Variants in FGF12 observed in about 807,000 individuals in gnomAD.
FGF12 encodes the protein fibroblast growth factor 12, also known as fibroblast growth factor 12B.
FGF12 carries 14 observed loss-of-function variants against 23.6 expected under a neutral mutation model. The ratio of observed to expected loss-of-function variants is 0.59; its 90% CI spans 0.39 to 0.93. FGF12 has a LOEUF of 0.93. FGF12 is among the 40% of genes least tolerant of loss of function. The pLI is 0.00. For synonymous variants in FGF12, 62 were observed against 77.3 expected (o/e 0.80, Z 1.04); for missense variants, 175 against 217.8 (o/e 0.80, Z 1.24).
intron 4 of FGF12, among the ~76,000 whole-genome samples, chr3:192,252,052 G>A (rs1712047726): frequency 6.6e-6 from 1 of 152,140 alleles, no homozygotes; most frequent in African/African-American, 2.4e-5. Flanking sequence ...GTAATTGCAT[G>A]CTTAATTTTT....
At chr3:192,478,226 C>T (rs1052437400) in intron 2 of FGF12, among the ~76,000 whole-genome samples, 2 of 152,138 alleles carry the variant, frequency 1.3e-5, no homozygotes, top group Admixed American at 6.5e-5. Flanking sequence ...TGGTACTTAT[C>T]ACCACAACCC....
intron 2 of FGF12, among the ~76,000 whole-genome samples, chr3:192,695,072 C>T (rs757538323): frequency 3.3e-5 from 5 of 151,940 alleles, no homozygotes; most frequent in African/African-American, 7.3e-5. Context: ...TGTCAACTGG[C>T]TTGACAGTAG....
chr3:192,252,124 C>A (rs1217463019), intron 4 of FGF12, among the ~76,000 whole-genome samples: 1 of 152,068 alleles, frequency 6.6e-6, no homozygotes, highest in African/African-American at 2.4e-5. Flanking sequence ...ACCTGTCTGA[C>A]TAAATTTTGT....
intron 2 of FGF12, among the ~76,000 whole-genome samples, chr3:192,611,503 G>A (rs1279788037): frequency 6.6e-6 from 1 of 151,966 alleles, no homozygotes; most frequent in Non-Finnish European, 1.5e-5. Flanking sequence ...AAGGATATCT[G>A]AAGCTGTATT....
intron 4 of FGF12, among the ~76,000 whole-genome samples, chr3:192,196,256 T>A (rs369792094): frequency 2.0e-5 from 3 of 152,216 alleles, no homozygotes; most frequent in African/African-American, 7.2e-5. Context: ...TGTTCCTCAA[T>A]GGACGGATGA....
intron 2 of FGF12, among the ~76,000 whole-genome samples, chr3:192,597,734 G>A (rs1384929648): frequency 6.6e-6 from 1 of 152,196 alleles, no homozygotes; most frequent in East Asian, 1.9e-4. Context: ...CAGTGCCCTG[G>A]CCAGACTTGC....
At chr3:192,406,220 A>AC (rs1456873025) in intron 2 of FGF12, among the ~76,000 whole-genome samples, 1 of 151,790 alleles carries the variant, frequency 6.6e-6, no homozygotes, top group Non-Finnish European at 1.5e-5. Context: ...TGCAAAAGTA[A>AC]CCCATTGATC....
chr3:192,245,803 T>C (rs921296886), intron 4 of FGF12, among the ~76,000 whole-genome samples: 3 of 152,162 alleles, frequency 2.0e-5, no homozygotes, highest in Non-Finnish European at 4.4e-5. Flanking sequence ...CAGAGAGGGC[T>C]TTACAAAACA....
intron 2 of FGF12, among the ~76,000 whole-genome samples, chr3:192,471,059 T>A (rs138796954): frequency 6.6e-6 from 1 of 152,346 alleles, no homozygotes; most frequent in Non-Finnish European, 1.5e-5. Flanking sequence ...TTACTTTACA[T>A]GATGACTTTC....
rs758577911 is a variant in FGF12 at position 192,201,152 on chromosome 3, G to A, written c.229-30496C>T. 4.5e-4 allele frequency among the ~76,000 whole-genome samples: 69 copies of A among 152,308 alleles called. 1 individual carries two copies. The highest frequency in any genetic ancestry group is 6.8e-4 in the Non-Finnish European group (46 of 68,028). On this transcript the variant is annotated intron_variant, in intron 4 of 5. Coordinates refer to ENST00000445105, the MANE Select transcript of FGF12 (RefSeq NM_004113.6). Reference sequence around the variant, plus strand: ...ATCCTTAGGGAATGAGATGATGTATGAATATGGAAGGAGTCAAGGTGCTAA... The same window carrying A: ...ATCCTTAGGGAATGAGATGATGTATAAATATGGAAGGAGTCAAGGTGCTAA...
At chr3:192,444,675 G>A (rs138452072) in intron 2 of FGF12, among the ~76,000 whole-genome samples, 34 of 152,346 alleles carry the variant, frequency 2.2e-4, no homozygotes, top group African/African-American at 8.2e-4. Context: ...CGCACAGGAG[G>A]CCAGGAGTGG....
intron 2 of FGF12, among the ~76,000 whole-genome samples, chr3:192,676,432 G>C (rs1717329785): frequency 6.6e-6 from 1 of 152,194 alleles, no homozygotes; most frequent in South Asian, 2.1e-4. Flanking sequence ...TGGTAGAGCT[G>C]GCAAATTAGA....
intron 4 of FGF12, among the ~76,000 whole-genome samples, chr3:192,202,969 C>T (rs1717447754): frequency 1.3e-5 from 2 of 152,174 alleles, no homozygotes; most frequent in Admixed American, 6.5e-5. Flanking sequence ...GAAATACAGC[C>T]TGCTAAACAG....
At chr3:192,606,343 G>A (rs1368265083) in intron 2 of FGF12, among the ~76,000 whole-genome samples, 4 of 151,972 alleles carry the variant, frequency 2.6e-5, no homozygotes, top group African/African-American at 9.7e-5. Flanking sequence ...ACATATAGAC[G>A]GCCGTAACTG....
chr3:192,467,482 G>T (rs183608566), intron 2 of FGF12, among the ~76,000 whole-genome samples: 3 of 152,282 alleles, frequency 2.0e-5, no homozygotes, highest in Admixed American at 2.0e-4. Context: ...ACTGTGCGCC[G>T]AACAGGTGAG....
intron 2 of FGF12, among the ~76,000 whole-genome samples, chr3:192,576,984 C>T (rs1313010709): frequency 6.6e-6 from 1 of 152,098 alleles, no homozygotes; most frequent in Non-Finnish European, 1.5e-5. Context: ...GTATGTCTCA[C>T]TCATAAGTGG....
At chr3:192,155,169 G>C (rs1008533877) in intron 5 of FGF12, among the ~76,000 whole-genome samples, 4 of 151,882 alleles carry the variant, frequency 2.6e-5, no homozygotes, top group Non-Finnish European at 4.4e-5. Flanking sequence ...GCCCTGCTTC[G>C]GCTCGCGCAC....
chr3:192,576,149 C>A (rs925861214), intron 2 of FGF12, among the ~76,000 whole-genome samples: 1 of 152,060 alleles, frequency 6.6e-6, no homozygotes, highest in African/African-American at 2.4e-5. Context: ...TTTATGCAGC[C>A]CTTTTTTTTC....
intron 3 of FGF12, among the ~76,000 whole-genome samples, chr3:192,342,636 G>A (rs1240071264): frequency 6.6e-6 from 1 of 151,814 alleles, no homozygotes; most frequent in African/African-American, 2.4e-5. Context: ...AATTTAGTCA[G>A]GTATGTGTGT....
Sources: allele counts gnomAD v4.1 joint callset (sites outside exome capture counted in the v4.1 genomes callset), GRCh38; gene constraint gnomAD v4.1.1; transcripts MANE v1.5; gene names NCBI Gene and HGNC (gene_info 2026-07-23, HGNC 2026-07-21).